RALYL: variants seen among roughly 807,000 people sequenced by gnomAD.
RALYL encodes RNA-binding Raly-like protein.
In RALYL, 29 loss-of-function variants were observed where a neutral mutation model predicts 35.1. The ratio of observed to expected loss-of-function variants is 0.83; its 90% CI spans 0.61 to 1.13. The LOEUF is 1.13. Among genes scored for constraint, RALYL ranks in the 50% most tolerant of loss-of-function variants. RALYL has a pLI of 0.00. For synonymous variants in RALYL, 120 were observed against 127.6 expected, an observed-to-expected ratio of 0.94 and a Z score of 0.40; for missense variants, 359 against 360.4, an observed-to-expected ratio of 1.00 and a Z score of 0.03.
At chr8:84,547,844 G>T (rs1588115785) in intron 2 of RALYL, among the ~76,000 whole-genome samples, 1 of 152,106 alleles carries the variant, frequency 6.6e-6, no homozygotes, top group South Asian at 2.1e-4. Flanking sequence ...TTTACCATGG[G>T]TCCTTACCCA....
chr8:84,294,331 A>AT (rs1302896549), intron 1 of RALYL, among the ~76,000 whole-genome samples: 3 of 152,054 alleles, frequency 2.0e-5, no homozygotes, highest in Non-Finnish European at 4.4e-5. Flanking sequence ...TAGAAAAGTT[A>AT]TTTTTTTAAA....
At chr8:84,839,589 A>G (rs1419234534) in intron 4 of RALYL, among the ~76,000 whole-genome samples, 1 of 152,252 alleles carries the variant, frequency 6.6e-6, no homozygotes, top group Non-Finnish European at 1.5e-5. Context: ...GCAGACTTAA[A>G]TGTCCCTGTC....
intron 1 of RALYL, among the ~76,000 whole-genome samples, chr8:84,228,308 A>AG: frequency 6.6e-6 from 1 of 152,324 alleles, no homozygotes. Flanking sequence ...CTGGGTATAT[A>AG]GACTTTCAAG....
intron 1 of RALYL, among the ~76,000 whole-genome samples, chr8:84,369,252 C>A (rs1172556431): frequency 2.0e-5 from 3 of 152,012 alleles, no homozygotes; most frequent in African/African-American, 7.2e-5. Flanking sequence ...CCAATAAATT[C>A]TTGACAAGAA....
At chr8:84,722,637 ATATATATATATG>A (rs1201319756) in intron 2 of RALYL, among the ~76,000 whole-genome samples, 39 of 143,672 alleles carry the variant, frequency 2.7e-4, no homozygotes, top group African/African-American at 7.0e-4. Context: ...ATATATATAT[ATATATATATATG>A]TATGTATATA....
At chr8:84,335,034 T>C (rs1196960710) in intron 1 of RALYL, among the ~76,000 whole-genome samples, 1 of 151,902 alleles carries the variant, frequency 6.6e-6, no homozygotes, top group Non-Finnish European at 1.5e-5. Flanking sequence ...CTTTGTCGAC[T>C]AACTCTTGTT....
At chr8:84,810,757 T>TTAAC (rs1456354754) in intron 4 of RALYL, among the ~76,000 whole-genome samples, 1 of 152,220 alleles carries the variant, frequency 6.6e-6, no homozygotes, top group African/African-American at 2.4e-5. Context: ...TTTGTCTCTT[T>TTAAC]TAACTGCTGT....
At chr8:84,484,476 C>T (rs891005484) in intron 1 of RALYL, among the ~76,000 whole-genome samples, 4 of 151,964 alleles carry the variant, frequency 2.6e-5, no homozygotes, top group East Asian at 3.9e-4. Context: ...GGATAACAAG[C>T]GGAAGAAAGA....
chr8:84,623,240 G>A (rs183781599), intron 2 of RALYL, among the ~76,000 whole-genome samples: 1 of 152,110 alleles, frequency 6.6e-6, no homozygotes, highest in East Asian at 1.9e-4. Context: ...GTTTTTCATA[G>A]GTAAAGAATT....
At chr8:84,201,801 A>C (rs1816909028) in intron 1 of RALYL, among the ~76,000 whole-genome samples, 1 of 152,064 alleles carries the variant, frequency 6.6e-6, no homozygotes, top group African/African-American at 2.4e-5. Context: ...TCCTGACCTC[A>C]AGCGATTCTC....
intron 2 of RALYL, among the ~76,000 whole-genome samples, chr8:84,664,231 G>A (rs1354043233): frequency 2.2e-5 from 3 of 134,998 alleles, no homozygotes; most frequent in Non-Finnish European, 3.1e-5. Context: ...AGCATAGTTT[G>A]AAGTCAGGTA....
At chr8:84,800,767 A>T (rs1322633358) in intron 3 of RALYL, among the ~76,000 whole-genome samples, 2 of 152,220 alleles carry the variant, frequency 1.3e-5, no homozygotes, top group Admixed American at 1.3e-4. Context: ...AATTTTCTAC[A>T]AAGGAATATT....
chr8:84,242,045 C>G (rs1828042233), intron 1 of RALYL, among the ~76,000 whole-genome samples: 1 of 152,078 alleles, frequency 6.6e-6, no homozygotes, highest in African/African-American at 2.4e-5. Context: ...GTTGTTCCCC[C>G]CATGTGTCCA....
intron 3 of RALYL, among the ~76,000 whole-genome samples, chr8:84,785,637 AT>A (rs1305377280): frequency 6.6e-6 from 1 of 152,178 alleles, no homozygotes; most frequent in Non-Finnish European, 1.5e-5. Context: ...TTTTAAAAAC[AT>A]TTTTAAAAAA....
chr8:84,487,795 T>G (rs2054818618), intron 1 of RALYL, among the ~76,000 whole-genome samples: 1 of 152,046 alleles, frequency 6.6e-6, no homozygotes, highest in Non-Finnish European at 1.5e-5. Flanking sequence ...GGTGTTAAAG[T>G]TTACTTTATA....
At chr8:84,372,886 G>GTTTTTTTTTTTTTGTTTTGTT (rs1856071710) in intron 1 of RALYL, among the ~76,000 whole-genome samples, 21 of 39,072 alleles carry the variant, frequency 5.4e-4, no homozygotes, top group African/African-American at 1.4e-3. Flanking sequence ...GCCAGCATCT[G>GTTTTTTTTTTTTTGTTTTGTT]TTTTTTTTTT....
chr8:84,730,130 C>T (rs1053372423), intron 2 of RALYL, among the ~76,000 whole-genome samples: 399 of 152,140 alleles, frequency 2.6e-3, no homozygotes, highest in Non-Finnish European at 4.9e-3. Context: ...ATGCAAAAAT[C>T]CTCAATAAAA....
intron 5 of RALYL, among the ~76,000 whole-genome samples, chr8:84,861,550 A>G (rs1372221034): frequency 6.6e-6 from 1 of 152,206 alleles, no homozygotes; most frequent in African/African-American, 2.4e-5. Flanking sequence ...TATGCTTGTA[A>G]TATCTAACTA....
intron 3 of RALYL, among the ~76,000 whole-genome samples, chr8:84,776,074 T>C (rs940586025): frequency 1.3e-5 from 2 of 152,338 alleles, no homozygotes; most frequent in South Asian, 2.1e-4. Flanking sequence ...TTCTCTGATA[T>C]CATTTGGATA....
Sources: gnomAD v4.1 joint callset for allele counts (sites outside exome capture counted in the v4.1 genomes callset) on GRCh38, gnomAD v4.1.1 for gene constraint, MANE v1.5 for transcripts, NCBI Gene and HGNC (gene_info 2026-07-23, HGNC 2026-07-21) for gene names.